The following DPP6 variants were observed in gnomAD, a reference collection of about 807,000 sequenced individuals.
DPP6 encodes the protein A-type potassium channel modulatory protein DPP6.
Under a neutral mutation model 122.6 loss-of-function variants are expected in DPP6, and 69 were observed. That is an observed-to-expected ratio of 0.56 (90% CI 0.46 to 0.69). The LOEUF (loss-of-function observed/expected upper bound fraction) is 0.69, where lower values mean the gene tolerates loss of function less well. DPP6 is among the 30% of genes least tolerant of loss of function. The pLI, the probability that DPP6 is intolerant of heterozygous loss-of-function variation, is 0.00. For missense variants in DPP6, 928 were observed against 1,116.9 expected, an observed-to-expected ratio of 0.83 and a Z score of 2.41; for synonymous variants, 418 against 433.1, an observed-to-expected ratio of 0.97 and a Z score of 0.43.
At chr7:154,331,212 G>C (rs1452260258) in intron 1 of DPP6, among the ~76,000 whole-genome samples, 2 of 152,230 alleles carry the variant, frequency 1.3e-5, no homozygotes, top group African/African-American at 4.8e-5. Flanking sequence ...GGCAGCCAGA[G>C]AGACGACATT....
chr7:154,179,439 A>C (rs987108041), intron 1 of DPP6, among the ~76,000 whole-genome samples: 1 of 152,158 alleles, frequency 6.6e-6, no homozygotes, highest in African/African-American at 2.4e-5. Flanking sequence ...ACATTAGAAG[A>C]CTTTGGGCTG....
intron 1 of DPP6, among the ~76,000 whole-genome samples, chr7:154,041,833 A>G (rs543938028): frequency 6.6e-6 from 1 of 151,944 alleles, no homozygotes; most frequent in South Asian, 2.1e-4. Context: ...ATCCTGGCTC[A>G]CTGCAACCTC....
intron 16 of DPP6, among the ~76,000 whole-genome samples, chr7:154,831,847 T>G (rs1800654687): frequency 6.6e-6 from 1 of 152,244 alleles, no homozygotes; most frequent in African/African-American, 2.4e-5. Context: ...TCTCTTGTCC[T>G]GTCAGTTAGA....
chr7:153,962,277 A>G (rs1488410614), intron 1 of DPP6, among the ~76,000 whole-genome samples: 5 of 152,110 alleles, frequency 3.3e-5, no homozygotes, highest in Admixed American at 6.5e-5. Flanking sequence ...CCAATGGCCT[A>G]TTTTAAATCC....
At chr7:154,210,585 C>T (rs577694680) in intron 1 of DPP6, among the ~76,000 whole-genome samples, 73 of 152,192 alleles carry the variant, frequency 4.8e-4, no homozygotes, top group African/African-American at 1.7e-3. Flanking sequence ...ATTATTTAAC[C>T]TCAGTGTGTT....
At chr7:153,764,861 T>C in the DPP6 span, among the ~76,000 whole-genome samples, 1 of 152,076 alleles carries the variant, frequency 6.6e-6, no homozygotes, top group Non-Finnish European at 1.5e-5. Flanking sequence ...CAGTCCCCTC[T>C]CTTCACATGG....
At chr7:154,656,577 G>A (rs1837266271) in intron 6 of DPP6, among the ~76,000 whole-genome samples, 1 of 152,202 alleles carries the variant, frequency 6.6e-6, no homozygotes, top group Non-Finnish European at 1.5e-5. Context: ...AAAAATGGAT[G>A]GAAGCCATAT....
chr7:153,784,546 G>A, the DPP6 span, among the ~76,000 whole-genome samples: 3 of 152,166 alleles, frequency 2.0e-5, no homozygotes, highest in African/African-American at 7.2e-5. Flanking sequence ...GACATAGTGT[G>A]ATCAAATGGC....
intron 8 of DPP6, among the ~76,000 whole-genome samples, chr7:154,758,322 G>A (rs1286462140): frequency 2.6e-5 from 4 of 151,878 alleles, no homozygotes; most frequent in African/African-American, 4.8e-5. Context: ...CACATGCCTT[G>A]TATGTCCCAT....
rs147976247 is a variant in DPP6 at position 154,313,751 on chromosome 7, A to ACACC, written c.244-132462_244-132461insACCC. On this transcript the variant is annotated intron_variant, in intron 1 of 25. Coordinates refer to ENST00000377770, the MANE Select transcript of DPP6 (RefSeq NM_130797.4). Reference sequence around the variant, plus strand: ...CACGCACACACACACACACACACACACCCTTACATATATATGTAGTACTTC... The same window carrying ACACC: ...CACGCACACACACACACACACACACACACCCCCTTACATATATATGTAGTACTTC... Among the ~76,000 whole-genome samples, 169 of 45,278 alleles carry ACACC rather than the reference A, an allele frequency of 3.7e-3. 17 individuals carry two copies. The highest frequency in any genetic ancestry group is 0.026 in the Admixed American group (108 of 4,218). 29.7% of individuals were successfully genotyped at this position (45,278 alleles called of 152,430 possible). A position where few individuals can be genotyped will look rare whatever the true frequency, so the allele number is the denominator to read the frequency against.
At chr7:154,219,500 GC>G (rs1300964000) in intron 1 of DPP6, among the ~76,000 whole-genome samples, 2 of 152,162 alleles carry the variant, frequency 1.3e-5, no homozygotes, top group Admixed American at 6.5e-5. Flanking sequence ...GGTAACTGAA[GC>G]TTACCCATTG....
In DPP6 at chr7:154,523,410, T is replaced by C. The variant is rs559003510; in HGVS notation, c.458-17122T>C. Among the ~76,000 whole-genome samples the C allele has an allele frequency of 1.2e-4, 19 of 152,322 alleles. 1 individual carries two copies. The South Asian group carries it at 2.1e-3, about 17-fold the overall frequency. On this transcript the variant is annotated intron_variant, in intron 3 of 25. Coordinates refer to ENST00000377770, the MANE Select transcript of DPP6 (RefSeq NM_130797.4). The stretch of plus-strand genomic sequence containing the variant: ...ACATAAATTATACTCTCATTTTCTT[T>C]CATCCCTGAATACTAAAACATGCAT...
chr7:154,766,715 T>C (rs1795922796), intron 8 of DPP6, among the ~76,000 whole-genome samples: 1 of 152,230 alleles, frequency 6.6e-6, no homozygotes, highest in African/African-American at 2.4e-5. Context: ...ATAAGATCGA[T>C]GGAAATAGAG....
At chr7:153,868,809 A>C in the DPP6 span, among the ~76,000 whole-genome samples, 4 of 151,890 alleles carry the variant, frequency 2.6e-5, no homozygotes, top group South Asian at 6.3e-4. Context: ...ATTTCCCTCT[A>C]CACACTGCTT....
intron 1 of DPP6, among the ~76,000 whole-genome samples, chr7:153,986,331 A>G (rs1042902249): frequency 1.3e-5 from 2 of 151,710 alleles, no homozygotes; most frequent in African/African-American, 4.8e-5. Context: ...CTATCTTTCT[A>G]TTTTTTTTAT....
chr7:154,587,821 T>C, intron 5 of DPP6: 1 of 1,612,818 alleles, frequency 6.2e-7, no homozygotes, highest in Non-Finnish European at 8.5e-7. Context: ...AGTCAATGGA[T>C]ACAGCACAGC....
At chr7:154,794,313 G>C (rs1797875994) in intron 11 of DPP6, 111 bp downstream of exon 11, 107 of 1,374,566 alleles carry the variant, frequency 7.8e-5, no homozygotes, top group Non-Finnish European at 1.0e-4. Context: ...TTGGGGACCG[G>C]CCGCCCAGCT....
chr7:154,066,018 A>G (rs71530500), intron 1 of DPP6, among the ~76,000 whole-genome samples: 30,487 of 149,888 alleles, frequency 0.2, 3,703 homozygotes, highest in Admixed American at 0.28. Context: ...CTACTGAAAT[A>G]TCAGCCACGG....
the DPP6 span, among the ~76,000 whole-genome samples, chr7:153,753,543 G>A: frequency 1.5e-4 from 22 of 151,460 alleles, no homozygotes; most frequent in East Asian, 3.4e-3. Context: ...TACTTAAAGA[G>A]TAATCGTTTT....
Sources: allele counts gnomAD v4.1 joint callset (sites outside exome capture counted in the v4.1 genomes callset), GRCh38; gene constraint gnomAD v4.1.1; transcripts MANE v1.5; gene names NCBI Gene and HGNC (gene_info 2026-07-23, HGNC 2026-07-21).